EHBP1: variants seen among roughly 807,000 people sequenced by gnomAD.
EHBP1 encodes EH domain binding protein 1, also known as EH domain-binding protein 1.
EHBP1 carries 55 observed loss-of-function variants against 144.0 expected under a neutral mutation model. The ratio of observed to expected loss-of-function variants is 0.38; its 90% CI spans 0.31 to 0.48. EHBP1 has a LOEUF of 0.48. Ranked by LOEUF, EHBP1 falls within the 20% of genes least tolerant of loss-of-function variation. The pLI is 0.98. For missense variants in EHBP1, 1,200 were observed against 1,364.2 expected, an observed-to-expected ratio of 0.88 and a Z score of 1.90; for synonymous variants, 469 against 472.7, an observed-to-expected ratio of 0.99 and a Z score of 0.10.
chr2:63,028,031 G>C (rs2061060690), intron 19 of EHBP1, among the ~76,000 whole-genome samples: 1 of 152,002 alleles, frequency 6.6e-6, no homozygotes, highest in South Asian at 2.1e-4. Flanking sequence ...TGAAAGTGCT[G>C]GGATTACAGG....
At chr2:63,038,971 T>C (rs1235736758) in intron 21 of EHBP1, among the ~76,000 whole-genome samples, 155 bp downstream of exon 21, 2 of 152,210 alleles carry the variant, frequency 1.3e-5, no homozygotes, top group East Asian at 3.8e-4. Flanking sequence ...AGTATCCATA[T>C]AAACTTAAGG....
At chr2:62,867,461 T>C (rs1198560409) in intron 9 of EHBP1, among the ~76,000 whole-genome samples, 2 of 151,984 alleles carry the variant, frequency 1.3e-5, no homozygotes, top group African/African-American at 4.8e-5. Flanking sequence ...AAATCAATAT[T>C]GAAAAAAATA....
At chr2:62,882,403 A>G (rs1016797603) in intron 10 of EHBP1, among the ~76,000 whole-genome samples, 9 of 152,370 alleles carry the variant, frequency 5.9e-5, no homozygotes, top group South Asian at 2.1e-4. Context: ...AAAAATAAAC[A>G]GTGACTGGGA....
At chr2:62,681,076 G>T (rs2033496846) in intron 1 of EHBP1, among the ~76,000 whole-genome samples, 1 of 151,748 alleles carries the variant, frequency 6.6e-6, no homozygotes, top group African/African-American at 2.4e-5. Flanking sequence ...ACTTTGGGAG[G>T]CTGAGGCAGG....
intron 1 of EHBP1, among the ~76,000 whole-genome samples, chr2:62,694,478 C>A (rs1177757394): frequency 4.2e-5 from 6 of 144,206 alleles, no homozygotes; most frequent in African/African-American, 1.5e-4. Context: ...CAAAAATCAC[C>A]AAAAATAGCA....
chr2:62,894,953 G>GAGAGAGAA (rs1444276353), intron 10 of EHBP1, among the ~76,000 whole-genome samples: 9 of 151,432 alleles, frequency 5.9e-5, no homozygotes, highest in Non-Finnish European at 1.3e-4. Flanking sequence ...GAGAGAGAGA[G>GAGAGAGAA]AGAATGCTGC....
chr2:62,882,908 A>C (rs1293958807), intron 10 of EHBP1, among the ~76,000 whole-genome samples: 1 of 151,704 alleles, frequency 6.6e-6, no homozygotes, highest in African/African-American at 2.4e-5. Context: ...AAAGGAAACA[A>C]ACTTAACAGT....
chr2:62,925,723 G>C (rs2055453775), intron 10 of EHBP1, among the ~76,000 whole-genome samples: 1 of 151,982 alleles, frequency 6.6e-6, no homozygotes, highest in Non-Finnish European at 1.5e-5. Context: ...ACTCTACATG[G>C]AAAACTGCAA....
intron 8 of EHBP1, among the ~76,000 whole-genome samples, chr2:62,864,426 G>T (rs1392137224): frequency 6.6e-6 from 1 of 152,056 alleles, no homozygotes; most frequent in Admixed American, 6.6e-5. Context: ...TTCAAAATTG[G>T]CATATCATAA....
chr2:63,005,480 C>G (rs1574442232), intron 19 of EHBP1, among the ~76,000 whole-genome samples: 1 of 152,160 alleles, frequency 6.6e-6, no homozygotes, highest in Non-Finnish European at 1.5e-5. Flanking sequence ...CCAAATAAAT[C>G]GAGTTCCACT....
At chr2:62,927,235 T>C (rs1396897583) in intron 10 of EHBP1, among the ~76,000 whole-genome samples, 1 of 152,094 alleles carries the variant, frequency 6.6e-6, no homozygotes, top group Non-Finnish European at 1.5e-5. Context: ...TGGAGAGATT[T>C]GTTAAAGGAT....
At chr2:62,710,756 G>A (rs1177699894) in intron 2 of EHBP1, among the ~76,000 whole-genome samples, 1 of 152,104 alleles carries the variant, frequency 6.6e-6, no homozygotes, top group Non-Finnish European at 1.5e-5. Context: ...TTAATCTGAT[G>A]TTCCAGGCTA....
chr2:62,812,591 G>T (rs781117485), intron 5 of EHBP1, among the ~76,000 whole-genome samples: 12 of 152,148 alleles, frequency 7.9e-5, no homozygotes, highest in Non-Finnish European at 1.6e-4. Context: ...GTCTCAGAGG[G>T]AAATGAGGAA....
Position 62,948,957 on chromosome 2 carries a change from ATTCC to A in EHBP1, c.2112_2115del (p.Asn704LysfsTer4). On this transcript the variant is annotated frameshift_variant, in exon 13 of 23. Transcript: ENST00000431489. LOFTEE classifies it high-confidence loss of function. ...AACTTGGAGAAAGAAAAATTAGAGA[ATTCC>A]AGATCCTTAGAATGCAGATCAGATC... 1.2e-6 allele frequency: 2 copies of A among 1,614,024 alleles called. No individual in the cohort carries two copies. Among genetic ancestry groups the A allele is most frequent in the Non-Finnish European group, 1.7e-6 (2 of 1,179,958 alleles).
At chr2:62,855,322 C>G (rs1473881817) in intron 7 of EHBP1, among the ~76,000 whole-genome samples, 1 of 152,186 alleles carries the variant, frequency 6.6e-6, no homozygotes, top group African/African-American at 2.4e-5. Context: ...GCAGCAGACC[C>G]CTTCTGGATT....
chr2:62,830,255 T>A (rs2152649156), intron 6 of EHBP1, among the ~76,000 whole-genome samples: 1 of 150,752 alleles, frequency 6.6e-6, no homozygotes, highest in Non-Finnish European at 1.5e-5. Flanking sequence ...ACTATATATA[T>A]AATATATATA....
rs148417895 is a variant in EHBP1 at position 62,948,822 on chromosome 2, C to G, written c.1976C>G (p.Thr659Ser). 332 of 1,614,106 alleles carry G rather than the reference C, an allele frequency of 2.1e-4. 1 individual carries two copies. The African/African-American group carries it at 4.2e-3, about 21-fold the overall frequency. Residue 659 changes from threonine (T) to serine (S), a missense_variant, in exon 13 of 23, where the codon ACT becomes AGT. Around this residue, in one of 6 missense-constraint regions of EHBP1, gnomAD observed 543 missense variants for 513.1 expected, o/e 1.06. Coordinates refer to ENST00000431489, the MANE Select transcript of EHBP1 (RefSeq NM_001142616.3). ...LGKKRLLKAE[T>S]LELSDLYVSD... is the part of the protein sequence containing the mutation. Reference sequence around the variant, plus strand: ...AAAAAGAGACTATTGAAAGCTGAGACTTTAGAATTGAGTGACTTATATGTT... The same window carrying G: ...AAAAAGAGACTATTGAAAGCTGAGAGTTTAGAATTGAGTGACTTATATGTT...
At position 62,864,735 on chromosome 2, in the gene EHBP1, T is replaced by A. The variant is rs755176004; in HGVS notation, c.762T>A (p.Pro254=). 1 of 1,608,430 alleles carries A rather than the reference T, an allele frequency of 6.2e-7. No individual in the cohort carries two copies. Among genetic ancestry groups the A allele is most frequent in the South Asian group, 1.1e-5 (1 of 89,630 alleles). Reference sequence around the variant, plus strand: ...TCATCTGCTATTATTTTATAGAACCTATCACTGAAACAGCTTCACCTAGAA... The same window carrying A: ...TCATCTGCTATTATTTTATAGAACCAATCACTGAAACAGCTTCACCTAGAA... The part of the protein sequence containing the change: ...NPFGDPDSEE[P]ITETASPRKT... The change falls in exon 9 of 23, where the codon CCT becomes CCA. Residue 254 remains proline, a synonymous_variant. Transcript: ENST00000431489.
chr2:62,936,222 G>A (rs937815449), intron 10 of EHBP1, among the ~76,000 whole-genome samples: 4 of 152,032 alleles, frequency 2.6e-5, no homozygotes, highest in African/African-American at 9.7e-5. Flanking sequence ...TATTAGTGAA[G>A]CCAACTGGAA....
Sources: allele counts gnomAD v4.1 joint callset (sites outside exome capture counted in the v4.1 genomes callset), GRCh38; gene constraint gnomAD v4.1.1; regional missense constraint gnomAD v4.1.1; transcripts MANE v1.5; gene names NCBI Gene and HGNC (gene_info 2026-07-23, HGNC 2026-07-21).